TAOK3: variants seen among roughly 807,000 people sequenced by gnomAD.
TAOK3 encodes the protein serine/threonine-protein kinase TAO3.
In TAOK3, 40 loss-of-function variants were observed where a neutral mutation model predicts 120.4. The observed-to-expected ratio is 0.33, with a 90% confidence interval of 0.26 to 0.43. The LOEUF (loss-of-function observed/expected upper bound fraction) is 0.43. Ranked by LOEUF, TAOK3 falls within the 20% of genes least tolerant of loss-of-function variation. The probability of loss-of-function intolerance (pLI) is 1.00; values close to 1 mark genes in which losing one functional copy is unlikely to be tolerated. For synonymous variants in TAOK3, 355 were observed against 387.5 expected, an observed-to-expected ratio of 0.92 and a Z score of 0.99; for missense variants, 821 against 1,112.1, an observed-to-expected ratio of 0.74 and a Z score of 3.72.
intron 13 of TAOK3, among the ~76,000 whole-genome samples, chr12:118,194,167 A>G (rs1396844509): frequency 6.6e-6 from 1 of 152,208 alleles, no homozygotes; most frequent in Non-Finnish European, 1.5e-5. Flanking sequence ...GATGTATCTA[A>G]AAATGGCTCT....
At chr12:118,318,483 G>C (rs181553817) in intron 1 of TAOK3, among the ~76,000 whole-genome samples, 149 of 152,202 alleles carry the variant, frequency 9.8e-4, no homozygotes, top group Middle Eastern at 3.4e-3. Flanking sequence ...GGACAAATCT[G>C]CATGACCATG....
intron 17 of TAOK3, 128 bp from the exon 18 acceptor site, chr12:118,162,155 T>A: frequency 8.4e-7 from 1 of 1,186,454 alleles, no homozygotes; most frequent in East Asian, 2.4e-5. Context: ...CATTAGTGTT[T>A]GGCAGCAGGA....
At position 118,217,811 on chromosome 12, in the gene TAOK3, G is replaced by GTGTGTGTATATATA. The variant is rs1353848789; in HGVS notation, c.644-3702_644-3701insTATATATACACACA. Among the ~76,000 whole-genome samples the GTGTGTGTATATATA allele has an allele frequency of 3.8e-4, 29 of 75,374 alleles. 4 individuals carry two copies. Among genetic ancestry groups the GTGTGTGTATATATA allele is most frequent in the Non-Finnish European group, 4.9e-4 (19 of 38,910 alleles). 49.4% of individuals were successfully genotyped at this position (75,374 alleles called of 152,430 possible). A position where few individuals can be genotyped will look rare whatever the true frequency, so the allele number is the denominator to read the frequency against. On this transcript the variant is annotated intron_variant, in intron 9 of 20. Transcript: ENST00000392533. ...TGTATGTATGTATGTGTGTGTGTGTGTATACATATATATATATATATATAT... is the reference window on the plus strand; with the variant it reads ...TGTATGTATGTATGTGTGTGTGTGTGTGTGTGTATATATATATACATATATATATATATATATAT...
chr12:118,257,172 A>T (rs958221068), intron 2 of TAOK3, among the ~76,000 whole-genome samples: 2 of 152,202 alleles, frequency 1.3e-5, no homozygotes, highest in Non-Finnish European at 2.9e-5. Context: ...TAAAACTCAG[A>T]TCTAACAGCA....
intron 1 of TAOK3, among the ~76,000 whole-genome samples, chr12:118,277,717 C>A (rs531412705): frequency 5.9e-5 from 9 of 151,998 alleles, no homozygotes; most frequent in Admixed American, 2.6e-4. Context: ...CCCCGATCTC[C>A]CAAAGTGCTG....
At chr12:118,280,101 C>T (rs1235187702) in intron 1 of TAOK3, among the ~76,000 whole-genome samples, 16 of 139,428 alleles carry the variant, frequency 1.1e-4, no homozygotes, top group Admixed American at 1.0e-3. Context: ...CTCGCTCTGT[C>T]GACAGGCTGG....
rs1278280586 is a variant in TAOK3 at position 118,327,154 on chromosome 12, A to G, written c.-194+45494T>C. The stretch of plus-strand genomic sequence containing the variant: ...GCAAGGAAGCAAAATAACAAAGTTA[A>G]TCCCTGCATCTGGTTTTAATAATAA... On this transcript the variant is annotated intron_variant, in intron 1 of 20. Transcript: ENST00000392533. Among the ~76,000 whole-genome samples the G allele has an allele frequency of 3.9e-5, 6 of 152,326 alleles. No individual in the cohort carries two copies. The East Asian group carries it at 1.2e-3, about 29-fold the overall frequency.
At chr12:118,204,937 G>T (rs2038217824) in intron 11 of TAOK3, among the ~76,000 whole-genome samples, 1 of 151,672 alleles carries the variant, frequency 6.6e-6, no homozygotes, top group African/African-American at 2.4e-5. Context: ...GGAGGCCGAG[G>T]CAGGGGGATC....
chr12:118,216,452 T>C (rs895697448), intron 9 of TAOK3, among the ~76,000 whole-genome samples: 6 of 152,170 alleles, frequency 3.9e-5, no homozygotes, highest in African/African-American at 1.4e-4. Context: ...AATCATAAGC[T>C]CTAAGAGCAC....
At chr12:118,212,098 G>C (rs2038662496) in intron 11 of TAOK3, among the ~76,000 whole-genome samples, 2 of 152,082 alleles carry the variant, frequency 1.3e-5, no homozygotes, top group African/African-American at 4.8e-5. Flanking sequence ...AAATTATAAA[G>C]GCAAACATTT....
chr12:118,315,772 GAC>G (rs1304167819), intron 1 of TAOK3, among the ~76,000 whole-genome samples: 1 of 152,190 alleles, frequency 6.6e-6, no homozygotes, highest in African/African-American at 2.4e-5. Context: ...AAGTAATTAT[GAC>G]AGTGTTGGGA....
Position 118,266,391 on chromosome 12 carries a change from G to A in TAOK3, c.-89+264C>T, listed in dbSNP as rs1366906619. Among the ~76,000 whole-genome samples, 8 of 150,686 alleles carry A rather than the reference G, an allele frequency of 5.3e-5. No individual in the cohort carries two copies. The South Asian group carries it at 6.3e-4, about 12-fold the overall frequency. ...TTTTTTTTGCATTTTGAGTAGAGAC[G>A]TGGTTTCTCCATTTTGATCAGGCTG... is the stretch of plus-strand genomic sequence containing the variant. On this transcript the variant is annotated intron_variant, in intron 2 of 20. Transcript: ENST00000392533.
chr12:118,284,542 A>G (rs950631231), intron 1 of TAOK3, among the ~76,000 whole-genome samples: 6 of 152,224 alleles, frequency 3.9e-5, no homozygotes, highest in Admixed American at 3.3e-4. Flanking sequence ...AGTGGAAGAA[A>G]CAAGTTTAAT....
chr12:118,273,055 T>G (rs1391997389), intron 1 of TAOK3, among the ~76,000 whole-genome samples: 1 of 152,170 alleles, frequency 6.6e-6, no homozygotes, highest in African/African-American at 2.4e-5. Flanking sequence ...AGTCATACTT[T>G]ACTATTTTGG....
intron 1 of TAOK3, among the ~76,000 whole-genome samples, chr12:118,331,475 T>C (rs1293650551): frequency 2.0e-5 from 3 of 151,556 alleles, no homozygotes; most frequent in Admixed American, 6.6e-5. Context: ...TGAAACCCAG[T>C]TTCTACTAAA....
intron 1 of TAOK3, among the ~76,000 whole-genome samples, chr12:118,333,644 T>C (rs2044241538): frequency 6.6e-6 from 1 of 151,350 alleles, no homozygotes; most frequent in African/African-American, 2.4e-5. Flanking sequence ...CAGAAATCTA[T>C]TAAATTGAAA....
chr12:118,161,788 C>T lies in TAOK3; in HGVS notation c.2139G>A (p.Lys713=). 1 of 1,614,196 alleles carries T rather than the reference C, an allele frequency of 6.2e-7. No homozygotes were observed. The highest frequency in any genetic ancestry group is 8.5e-7 in the Non-Finnish European group (1 of 1,180,036). Residue 713 remains lysine, a splice_region_variant and synonymous_variant, in exon 18 of 21, where the codon AAG becomes AAA. Transcript: ENST00000392533. This position sits in a 1 kb window ranked among gnomAD's most constrained non-coding sequence, Gnocchi z 4.5. ...CACTGTCCAGCAGCACAAATCTTACCTTTAAGTTTTTTGGCTGTTGCCGAA... is the reference window on the plus strand; with the variant it reads ...CACTGTCCAGCAGCACAAATCTTACTTTTAAGTTTTTTGGCTGTTGCCGAA... The part of the protein sequence containing the change: ...MELRQQPKNL[K]AMEMQIKKQF...
At chr12:118,318,158 C>CTTTTT (rs766334747) in intron 1 of TAOK3, among the ~76,000 whole-genome samples, 1 of 133,298 alleles carries the variant, frequency 7.5e-6, no homozygotes, top group Non-Finnish European at 1.6e-5. Flanking sequence ...AGCTATAAAA[C>CTTTTT]TTTTTTTTTT....
chr12:118,203,695 A>G (rs1293599273), intron 11 of TAOK3, among the ~76,000 whole-genome samples: 2 of 123,276 alleles, frequency 1.6e-5, no homozygotes, highest in East Asian at 4.7e-4. Context: ...AAAGAGTGAA[A>G]CTCCATCTCA....
Sources: allele counts gnomAD v4.1 joint callset (sites outside exome capture counted in the v4.1 genomes callset), GRCh38; gene constraint gnomAD v4.1.1; non-coding constraint Gnocchi (gnomAD v3.1); transcripts MANE v1.5; gene names NCBI Gene and HGNC (gene_info 2026-07-23, HGNC 2026-07-21).